DHRSX: variants seen among roughly 807,000 people sequenced by gnomAD.
The protein encoded by DHRSX is dehydrogenase/reductase X-linked.
Under a neutral mutation model 34.0 loss-of-function variants are expected in DHRSX, and 31 were observed. That is an observed-to-expected ratio of 0.91 (90% CI 0.69 to 1.23). The LOEUF is 1.23. Ranked by LOEUF, DHRSX falls within the 50% of genes most tolerant of loss-of-function variation. The probability of loss-of-function intolerance (pLI) is 0.00; values close to 1 mark genes in which losing one functional copy is unlikely to be tolerated. For missense variants in DHRSX, 414 were observed against 428.1 expected (o/e 0.97, Z 0.29); for synonymous variants, 201 against 183.8 (o/e 1.09, Z -0.76).
chrX:2,477,430 A>T (rs1022115917), intron 1 of DHRSX, among the ~76,000 whole-genome samples: 5 of 152,328 alleles, frequency 3.3e-5, no homozygotes, highest in Non-Finnish European at 5.9e-5. Context: ...GATGCAAAAA[A>T]CCAGAAACAA....
chrX:2,392,428 G>T, intron 3 of DHRSX: 2 of 299,790 alleles, frequency 6.7e-6, no homozygotes, highest in Non-Finnish European at 1.3e-5. Flanking sequence ...GATCGCTTGA[G>T]TTCCAGAGGC....
intron 3 of DHRSX, among the ~76,000 whole-genome samples, chrX:2,330,454 G>C (rs558235543): frequency 1.6e-4 from 24 of 150,914 alleles, no homozygotes; most frequent in African/African-American, 5.3e-4. Flanking sequence ...CGGGGAGGCA[G>C]AGGTTGCAGT....
intron 4 of DHRSX, among the ~76,000 whole-genome samples, chrX:2,283,710 C>A (rs2041762706): frequency 6.6e-6 from 1 of 152,188 alleles, no homozygotes; most frequent in Non-Finnish European, 1.5e-5. Flanking sequence ...GTGCCCTGTG[C>A]CCATTTGCTC....
intron 1 of DHRSX, among the ~76,000 whole-genome samples, chrX:2,467,972 A>G (rs2044522681): frequency 2.1e-5 from 3 of 141,634 alleles, no homozygotes; most frequent in African/African-American, 8.3e-5. Flanking sequence ...CAAAAAAAAA[A>G]AAAAAAAATG....
At chrX:2,473,630 CAAA>C (rs771616367) in intron 1 of DHRSX, among the ~76,000 whole-genome samples, 1 of 106,324 alleles carries the variant, frequency 9.4e-6, no homozygotes, top group Non-Finnish European at 1.9e-5. Flanking sequence ...GACTCCGTCT[CAAA>C]AAAAAAAAAA....
intron 1 of DHRSX, among the ~76,000 whole-genome samples, chrX:2,436,272 C>T (rs186613836): frequency 2.6e-4 from 40 of 151,602 alleles, no homozygotes; most frequent in Non-Finnish European, 5.3e-4. Context: ...TTTTATGATT[C>T]CCGTTTGAAC....
chrX:2,282,847 A>G (rs1386237455), intron 4 of DHRSX, among the ~76,000 whole-genome samples: 3 of 112,178 alleles, frequency 2.7e-5, no homozygotes, highest in Middle Eastern at 6.3e-3. Flanking sequence ...AAAGGGAGAG[A>G]GAGAAGGGAG....
chrX:2,401,690 C>T (rs997930975), intron 3 of DHRSX, among the ~76,000 whole-genome samples: 7 of 152,086 alleles, frequency 4.6e-5, no homozygotes, highest in African/African-American at 1.2e-4. Context: ...TTCATGGAGC[C>T]GCTGGGGTTT....
intron 3 of DHRSX, among the ~76,000 whole-genome samples, chrX:2,349,674 G>T (rs1267452342): frequency 6.8e-6 from 1 of 146,636 alleles, no homozygotes; most frequent in African/African-American, 2.5e-5. Context: ...GCGACAGAGT[G>T]ACACTCAGTC....
chrX:2,425,405 A>G, intron 1 of DHRSX, 101 bp from the exon 2 acceptor site: 2 of 1,017,184 alleles, frequency 2.0e-6, no homozygotes, highest in Non-Finnish European at 1.5e-6. Context: ...AAAGGGAGTT[A>G]TGGTTCATTT....
intron 3 of DHRSX, among the ~76,000 whole-genome samples, chrX:2,391,576 C>T (rs1569496555): frequency 6.6e-6 from 1 of 152,130 alleles, no homozygotes; most frequent in East Asian, 1.9e-4. Flanking sequence ...AGGCAGCAGA[C>T]ACAGGGGTCA....
chrX:2,375,468 C>G (rs2043130131), intron 3 of DHRSX, among the ~76,000 whole-genome samples: 1 of 138,228 alleles, frequency 7.2e-6, no homozygotes, highest in African/African-American at 2.5e-5. Context: ...TTTAGCTGGG[C>G]ACACGCCGTG....
chrX:2,458,564 G>A (rs370439505), intron 1 of DHRSX, among the ~76,000 whole-genome samples: 14 of 152,296 alleles, frequency 9.2e-5, no homozygotes, highest in African/African-American at 3.1e-4. Context: ...AATGTGAAGT[G>A]AAATGAACCA....
intron 1 of DHRSX, among the ~76,000 whole-genome samples, chrX:2,469,283 T>C (rs995187777): frequency 6.8e-6 from 1 of 146,814 alleles, no homozygotes; most frequent in Non-Finnish European, 1.5e-5. Context: ...TGCCACCGTG[T>C]ACACGCTGAA....
chrX:2,274,033 TTTATTA>T (rs760790362), intron 4 of DHRSX, among the ~76,000 whole-genome samples: 2 of 152,082 alleles, frequency 1.3e-5, no homozygotes, highest in African/African-American at 4.8e-5. Context: ...TTATTCCTAT[TTTATTA>T]TTATTATTAT....
chrX:2,492,785 C>T (rs1256689973), intron 1 of DHRSX, among the ~76,000 whole-genome samples: 4 of 152,204 alleles, frequency 2.6e-5, no homozygotes, highest in African/African-American at 9.7e-5. Flanking sequence ...GGAGGGAGCG[C>T]AGCCCTGAGA....
chrX:2,441,649 T>G (rs191291271), intron 1 of DHRSX, among the ~76,000 whole-genome samples: 2 of 152,174 alleles, frequency 1.3e-5, no homozygotes, highest in Non-Finnish European at 2.9e-5. Context: ...GGACTCTTTT[T>G]ACCTCTTAAG....
At chrX:2,311,740 C>A (rs1465049039) in intron 3 of DHRSX, among the ~76,000 whole-genome samples, 1 of 152,148 alleles carries the variant, frequency 6.6e-6, no homozygotes, top group Non-Finnish European at 1.5e-5. Flanking sequence ...AATCGTCCTC[C>A]TGGGAATGCG....
At chrX:2,425,398 G>A in intron 1 of DHRSX, 94 bp from the exon 2 acceptor site, 2 of 1,055,604 alleles carry the variant, frequency 1.9e-6, no homozygotes, top group Non-Finnish European at 2.9e-6. Context: ...AGATGCCAAA[G>A]GGAGTTATGG....
Sources: gnomAD v4.1 joint callset for allele counts (sites outside exome capture counted in the v4.1 genomes callset) on GRCh38, gnomAD v4.1.1 for gene constraint, MANE v1.5 for transcripts, NCBI Gene and HGNC (gene_info 2026-07-23, HGNC 2026-07-21) for gene names.